MYO1E: variants seen among roughly 807,000 people sequenced by gnomAD.
MYO1E encodes the protein myosin IE.
A neutral mutation model predicts 151.1 loss-of-function variants in MYO1E; 68 were observed. That is an observed-to-expected ratio of 0.45 (90% CI 0.37 to 0.55). The LOEUF is 0.55. Among genes scored for constraint, MYO1E ranks in the 20% least tolerant of loss-of-function variants. The pLI, the probability that MYO1E is intolerant of heterozygous loss-of-function variation, is 0.00. For synonymous variants in MYO1E, 601 were observed against 501.7 expected (o/e 1.20, Z -2.64); for missense variants, 1,363 against 1,389.3 (o/e 0.98, Z 0.30).
intron 1 of MYO1E, chr15:59,359,886 A>G (rs950240952): frequency 6.6e-6 from 1 of 152,166 alleles, no homozygotes; most frequent in African/African-American, 2.4e-5. Context: ...ACTTAAAGGG[A>G]AGCTATTTGC....
At chr15:59,208,615 T>C (rs2079856284) in intron 14 of MYO1E, 66 bp downstream of exon 14, 4 of 1,578,650 alleles carry the variant, frequency 2.5e-6, no homozygotes, top group Non-Finnish European at 2.6e-6. Context: ...ATTTGCTTCA[T>C]GAGAAACCAG....
Position 59,137,358 on chromosome 15 carries a change from A to G in MYO1E, c.*22T>C, listed in dbSNP as rs2079379450. On this transcript the variant is annotated 3_prime_UTR_variant, in exon 28 of 28. Coordinates refer to ENST00000288235, the MANE Select transcript of MYO1E (RefSeq NM_004998.4). ...TCTGTGCCTGGAGCTCCTCTGCCCC[A>G]TGTGTCAGAGTCACGGGCACCTCAG... 1.9e-6 allele frequency: 3 copies of G among 1,610,924 alleles called. No homozygotes were observed. The highest frequency in any genetic ancestry group is 1.7e-6 in the Non-Finnish European group (2 of 1,177,152).
rs369499848 is a variant in MYO1E at position 59,372,703 on chromosome 15, G to A, written c.-203C>T. The A allele has an allele frequency of 3.1e-5, 19 of 616,410 alleles. No individual in the cohort carries two copies. The African/African-American group carries it at 3.5e-4, about 11-fold the overall frequency. 38.2% of individuals were successfully genotyped at this position (616,410 alleles called of 1,614,324 possible). ...TGGCGGTGCTAGGTGAGGGCGAGAC[G>A]GCGGCGACTTAGCAGGCGGGGCGCA... On this transcript the variant is annotated 5_prime_UTR_variant, in exon 1 of 28. Coordinates refer to ENST00000288235, the MANE Select transcript of MYO1E (RefSeq NM_004998.4).
chr15:59,236,666 T>C lies in MYO1E; in HGVS notation c.339A>G (p.Glu113=), dbSNP rs2080068498. The change falls in exon 5 of 28, where the codon GAA becomes GAG. Residue 113 remains glutamate, a synonymous_variant. Transcript: ENST00000288235. ...RENQCVIISG[E]SGAGKTVAAK... ...CAGCCACTGTTTTTCCAGCACCACT[T>C]TCACCACTAAAGAAAGACAGACAAA... 6.2e-7 allele frequency: 1 copy of C among 1,612,874 alleles called. No individual in the cohort carries two copies. The highest frequency in any genetic ancestry group is 1.7e-5 in the Admixed American group (1 of 60,018).
At chr15:59,315,926 G>A (rs2080586061) in intron 1 of MYO1E, among the ~76,000 whole-genome samples, 1 of 152,140 alleles carries the variant, frequency 6.6e-6, no homozygotes, top group Non-Finnish European at 1.5e-5. Flanking sequence ...AATAAGCTGC[G>A]ATCCATCAGC....
chr15:59,359,203 A>C (rs1390449452), intron 1 of MYO1E, among the ~76,000 whole-genome samples: 1 of 151,734 alleles, frequency 6.6e-6, no homozygotes, highest in Non-Finnish European at 1.5e-5. Context: ...AGGCAGGAGA[A>C]TCGCTGGAGA....
intron 17 of MYO1E, among the ~76,000 whole-genome samples, chr15:59,191,328 G>C (rs1415566386): frequency 7.6e-6 from 1 of 130,884 alleles, no homozygotes; most frequent in Non-Finnish European, 1.6e-5. Flanking sequence ...CAGACAGACA[G>C]AGACAGAGAG....
chr15:59,283,014 C>A (rs2080366605), intron 1 of MYO1E, among the ~76,000 whole-genome samples: 2 of 127,148 alleles, frequency 1.6e-5, no homozygotes. Context: ...GCCTGGGCAG[C>A]CCAGGCTCTC....
At chr15:59,349,971 C>A (rs914314224) in intron 1 of MYO1E, among the ~76,000 whole-genome samples, 4 of 152,080 alleles carry the variant, frequency 2.6e-5, no homozygotes, top group Non-Finnish European at 5.9e-5. Flanking sequence ...AACTTTAGGG[C>A]GATGTGGTAG....
At chr15:59,311,336 G>A (rs1471968259) in intron 1 of MYO1E, among the ~76,000 whole-genome samples, 2 of 152,020 alleles carry the variant, frequency 1.3e-5, no homozygotes, top group South Asian at 2.1e-4. Context: ...CCTCACATGC[G>A]CAGTTCATAA....
chr15:59,250,740 C>G (rs2080159747), intron 4 of MYO1E, among the ~76,000 whole-genome samples: 1 of 152,124 alleles, frequency 6.6e-6, no homozygotes, highest in South Asian at 2.1e-4. Context: ...TGTCCTTAAC[C>G]TGGAGTTTGG....
intron 1 of MYO1E, among the ~76,000 whole-genome samples, chr15:59,311,336 G>C (rs1471968259): frequency 6.6e-6 from 1 of 152,020 alleles, no homozygotes; most frequent in Admixed American, 6.6e-5. Flanking sequence ...CCTCACATGC[G>C]CAGTTCATAA....
chr15:59,262,602 G>T (rs1244403227), intron 2 of MYO1E, among the ~76,000 whole-genome samples: 1 of 152,138 alleles, frequency 6.6e-6, no homozygotes, highest in Non-Finnish European at 1.5e-5. Flanking sequence ...AGCAAGCCAA[G>T]ATCACGTCAC....
intron 1 of MYO1E, among the ~76,000 whole-genome samples, chr15:59,279,470 A>C (rs1389694294): frequency 6.6e-5 from 10 of 152,298 alleles, no homozygotes; most frequent in African/African-American, 2.4e-4. Context: ...TTGATCTCAA[A>C]AAAGCCAAGG....
chr15:59,264,612 C>T (rs2080242549), intron 2 of MYO1E, among the ~76,000 whole-genome samples: 1 of 152,154 alleles, frequency 6.6e-6, no homozygotes, highest in South Asian at 2.1e-4. Flanking sequence ...TCTGGCAACC[C>T]TAAATTGGCA....
At chr15:59,330,433 A>C (rs2080691267) in intron 1 of MYO1E, among the ~76,000 whole-genome samples, 1 of 152,222 alleles carries the variant, frequency 6.6e-6, no homozygotes, top group African/African-American at 2.4e-5. Flanking sequence ...GCAATGTAAA[A>C]AGTGGCAGGC....
At chr15:59,319,920 A>G (rs959924328) in intron 1 of MYO1E, among the ~76,000 whole-genome samples, 1 of 152,084 alleles carries the variant, frequency 6.6e-6, no homozygotes, top group Non-Finnish European at 1.5e-5. Context: ...ACAAACAAAC[A>G]AAGAAAGAAA....
In MYO1E at chr15:59,136,974, G is replaced by C. The variant is rs1409813505; in HGVS notation, c.*406C>G. On this transcript the variant is annotated 3_prime_UTR_variant, in exon 28 of 28. Transcript: ENST00000288235. ...TCTATCAGGTATGGACAAGAGAGAT[G>C]AAAGAAATGTGCTCTTCAACTAAAG... is the stretch of plus-strand genomic sequence containing the variant. The C allele has an allele frequency of 2.8e-6, 1 of 353,354 alleles. No individual in the cohort carries two copies. The highest frequency in any genetic ancestry group is 2.1e-5 in the African/African-American group (1 of 46,798). 21.9% of individuals were successfully genotyped at this position (353,354 alleles called of 1,614,324 possible). A position where few individuals can be genotyped will look rare whatever the true frequency, so the allele number is the denominator to read the frequency against.
intron 14 of MYO1E, chr15:59,208,017 TGAA>T: frequency 6.2e-7 from 1 of 1,605,726 alleles, no homozygotes; most frequent in Non-Finnish European, 8.5e-7. Context: ...AGCTGACCCC[TGAA>T]GAAGAGGCCC....
Sources: gnomAD v4.1 joint callset for allele counts (sites outside exome capture counted in the v4.1 genomes callset) on GRCh38, gnomAD v4.1.1 for gene constraint, MANE v1.5 for transcripts, NCBI Gene and HGNC (gene_info 2026-07-23, HGNC 2026-07-21) for gene names.